Variants in VCAN observed in about 807,000 individuals in gnomAD.
The protein encoded by VCAN is versican, also known as versican core protein.
A neutral mutation model predicts 245.5 loss-of-function variants in VCAN; 44 were observed. That is an observed-to-expected ratio of 0.18 (90% CI 0.14 to 0.23). The LOEUF is 0.23. Ranked by LOEUF, VCAN falls within the 10% of genes least tolerant of loss-of-function variation. The pLI, the probability that VCAN is intolerant of heterozygous loss-of-function variation, is 1.00. For synonymous variants in VCAN, 1,413 were observed against 1,437.0 expected (o/e 0.98, Z 0.38); for missense variants, 3,793 against 4,057.9 (o/e 0.93, Z 1.77).
chr5:83,527,424 A>G (rs1746345075), intron 7 of VCAN, among the ~76,000 whole-genome samples: 1 of 152,184 alleles, frequency 6.6e-6, no homozygotes, highest in Non-Finnish European at 1.5e-5. Flanking sequence ...GATAATTAGA[A>G]TGGCTTCCCC....
chr5:83,486,830 T>G (rs566964703), intron 2 of VCAN, among the ~76,000 whole-genome samples: 1 of 152,224 alleles, frequency 6.6e-6, no homozygotes, highest in Non-Finnish European at 1.5e-5. Context: ...TTTTTTTATA[T>G]CAGAGGTGAA....
At chr5:83,494,821 A>G (rs993197295) in intron 5 of VCAN, among the ~76,000 whole-genome samples, 7 of 151,806 alleles carry the variant, frequency 4.6e-5, no homozygotes, top group African/African-American at 1.7e-4. Flanking sequence ...GTGTTGTGGC[A>G]TATGCCTGTA....
chr5:83,480,599 T>C (rs1024194648), intron 1 of VCAN, among the ~76,000 whole-genome samples: 2 of 152,228 alleles, frequency 1.3e-5, no homozygotes, highest in Non-Finnish European at 2.9e-5. Context: ...CTCAAGGATA[T>C]ACCCTGAACC....
chr5:83,509,161 A>C (rs1745573828), intron 5 of VCAN, among the ~76,000 whole-genome samples: 2 of 152,268 alleles, frequency 1.3e-5, no homozygotes, highest in African/African-American at 4.8e-5. Context: ...TAATCAAAGT[A>C]GTAAAATGAT....
intron 7 of VCAN, among the ~76,000 whole-genome samples, chr5:83,532,537 A>G (rs1746560884): frequency 6.6e-6 from 1 of 152,006 alleles, no homozygotes; most frequent in Non-Finnish European, 1.5e-5. Context: ...TGGGTAATTA[A>G]CATTTCTCTC....
rs1441522873 is a variant in VCAN, at chr5:83,581,145, G to T, written c.*711G>T. On this transcript the variant is annotated 3_prime_UTR_variant, in exon 15 of 15. Transcript: ENST00000265077. The stretch of plus-strand genomic sequence containing the variant: ...ACTTACAAGAAAGGCCTGAATGGAG[G>T]ACTTTTCTGTAACCAGGAACATTTT... The T allele has an allele frequency of 6.5e-6, 1 of 153,042 alleles. No individual in the cohort carries two copies. Among genetic ancestry groups the T allele is most frequent in the Admixed American group, 6.5e-5 (1 of 15,348 alleles). 9.5% of individuals were successfully genotyped at this position (153,042 alleles called of 1,614,324 possible). A position where few individuals can be genotyped will look rare whatever the true frequency, so the allele number is the denominator to read the frequency against.
intron 7 of VCAN, among the ~76,000 whole-genome samples, chr5:83,526,790 T>C (rs1470002274): frequency 6.6e-6 from 1 of 152,194 alleles, no homozygotes; most frequent in Non-Finnish European, 1.5e-5. Context: ...ATCAAGATAA[T>C]ATATAATGGT....
rs1235360628 is a variant in VCAN, at chr5:83,580,692, C to T, written c.*258C>T. 1 of 474,712 alleles carries T rather than the reference C, an allele frequency of 2.1e-6. No individual in the cohort carries two copies. The highest frequency in any genetic ancestry group is 3.8e-6 in the Non-Finnish European group (1 of 264,242). The allele number at this position is 474,712 out of a possible 1,614,324, so 29.4% of individuals were successfully genotyped here. A position where few individuals can be genotyped will look rare whatever the true frequency, so the allele number is the denominator to read the frequency against. On this transcript the variant is annotated 3_prime_UTR_variant, in exon 15 of 15. Coordinates refer to ENST00000265077, the MANE Select transcript of VCAN (RefSeq NM_004385.5). The stretch of plus-strand genomic sequence containing the variant: ...CTAATTTCTTTAGTTTTCTATTTGC[C>T]TCCAGTGCAGTCCATTTCCTAATGT...
chr5:83,534,058 A>G (rs1365580301), intron 7 of VCAN: 2 of 152,046 alleles, frequency 1.3e-5, no homozygotes, highest in Non-Finnish European at 2.9e-5. Flanking sequence ...ATGACCATCC[A>G]TCAGTTTCTT....
intron 5 of VCAN, among the ~76,000 whole-genome samples, chr5:83,501,441 T>C (rs993000404): frequency 6.6e-6 from 1 of 152,188 alleles, no homozygotes; most frequent in Non-Finnish European, 1.5e-5. Context: ...TTAACTCTTT[T>C]GCTTTTATTT....
chr5:83,490,731 T>G (rs1744957082), intron 3 of VCAN, among the ~76,000 whole-genome samples: 1 of 152,214 alleles, frequency 6.6e-6, no homozygotes, highest in African/African-American at 2.4e-5. Context: ...CCTCAAGGCA[T>G]GACACATAAT....
intron 3 of VCAN, 132 bp downstream of exon 3, chr5:83,490,604 C>G: frequency 1.5e-6 from 2 of 1,345,530 alleles, no homozygotes; most frequent in Non-Finnish European, 2.0e-6. Flanking sequence ...ATCCAGTAGT[C>G]CACGTCTTTC....
chr5:83,544,596 T>C (rs1036704841), intron 8 of VCAN, among the ~76,000 whole-genome samples: 1 of 152,206 alleles, frequency 6.6e-6, no homozygotes, highest in African/African-American at 2.4e-5. Flanking sequence ...ATTTCAATTA[T>C]TTTGTAAAAC....
rs766727030 is a variant in VCAN at position 83,520,701 on chromosome 5, A to G, written c.2395A>G (p.Thr799Ala). Reference sequence around the variant, plus strand: ...TGGTACTTTAAGTGTTGAAGCAGCCACTGTATCAAAATGGTCATGGGATGA... The same window carrying G: ...TGGTACTTTAAGTGTTGAAGCAGCCGCTGTATCAAAATGGTCATGGGATGA... ...AHGTLSVEAA[T>A]VSKWSWDEDN... The change falls in exon 7 of 15, where the codon ACT (threonine) becomes GCT (alanine). Residue 799 changes from threonine (T) to alanine (A), a missense_variant. By Grantham distance (58) the Thr-to-Ala change is moderately conservative (BLOSUM62 0). This residue lies in a region of VCAN where 3,182 missense variants were observed against 3,250.3 expected (regional missense o/e 0.98). Transcript: ENST00000265077. The G allele has an allele frequency of 3.1e-6, 5 of 1,614,136 alleles. No individual in the cohort carries two copies. In the Admixed American group the frequency reaches 8.3e-5, roughly 27 times the overall value.
Position 83,537,337 on chromosome 5 carries a change from A to G in VCAN, c.4334A>G (p.Asp1445Gly), listed in dbSNP as rs763253133. 6.2e-7 allele frequency: 1 copy of G among 1,613,998 alleles called. No homozygotes were observed. Among genetic ancestry groups the G allele is most frequent in the South Asian group, 1.1e-5 (1 of 91,086 alleles). Residue 1445 changes from aspartate (D) to glycine (G), a missense_variant, in exon 8 of 15, where the codon GAC becomes GGC. By Grantham distance (94) the Asp-to-Gly change is moderately conservative. This residue lies in a region of VCAN where 3,182 missense variants were observed against 3,250.3 expected (regional missense o/e 0.98). Transcript: ENST00000265077. ...GTTGCACCTTCTCAGAATTTCTCGG[A>G]CAGCTCTGAAAGTGATACTCATCCA... ...ESVAPSQNFS[D>G]SSESDTHPFV...
chr5:83,527,435 C>T (rs1213831576), intron 7 of VCAN, among the ~76,000 whole-genome samples: 1 of 152,206 alleles, frequency 6.6e-6, no homozygotes, highest in Non-Finnish European at 1.5e-5. Flanking sequence ...TGGCTTCCCC[C>T]ATCTCTCACG....
intron 6 of VCAN, among the ~76,000 whole-genome samples, chr5:83,514,107 CTTATG>C: frequency 6.6e-6 from 1 of 151,940 alleles, no homozygotes; most frequent in East Asian, 1.9e-4. Flanking sequence ...TAACAAGGTA[CTTATG>C]TTTAAATAGA....
At chr5:83,501,699 G>A (rs556749572) in intron 5 of VCAN, among the ~76,000 whole-genome samples, 10 of 152,196 alleles carry the variant, frequency 6.6e-5, no homozygotes, top group African/African-American at 2.2e-4. Context: ...TTGCTTTGTA[G>A]TAAATTTTGA....
At chr5:83,481,104 CAG>C (rs1213746892) in intron 1 of VCAN, among the ~76,000 whole-genome samples, 2 of 151,812 alleles carry the variant, frequency 1.3e-5, no homozygotes, top group African/African-American at 4.8e-5. Context: ...GGCTATTTGA[CAG>C]TGGAGCCCAG....
Sources: allele counts gnomAD v4.1 joint callset (sites outside exome capture counted in the v4.1 genomes callset), GRCh38; gene constraint gnomAD v4.1.1; regional missense constraint gnomAD v4.1.1; transcripts MANE v1.5; gene names NCBI Gene and HGNC (gene_info 2026-07-23, HGNC 2026-07-21).